Variants in EPS8L2 observed in about 807,000 individuals in gnomAD.
The protein encoded by EPS8L2 is EPS8 signaling adaptor L2, also known as epidermal growth factor receptor kinase substrate 8-like protein 2.
EPS8L2 carries 81 observed loss-of-function variants against 99.4 expected under a neutral mutation model. The observed-to-expected ratio is 0.82, with a 90% CI of 0.68 to 0.98. The LOEUF is 0.98. Among genes scored for constraint, EPS8L2 ranks in the 50% least tolerant of loss-of-function variants. The pLI, the probability that EPS8L2 is intolerant of heterozygous loss-of-function variation, is 0.00. For synonymous variants in EPS8L2, 509 were observed against 407.3 expected (o/e 1.25, Z -3.01); for missense variants, 1,155 against 968.8 (o/e 1.19, Z -2.55).
Position 720,715 on chromosome 11 carries a change from A to G in EPS8L2, c.446A>G (p.Asp149Gly), listed in dbSNP as rs1395692957. The change falls in exon 6 of 21, where the codon GAT (aspartate) becomes GGT (glycine). Residue 149 changes from aspartate to glycine, a missense_variant. Coordinates refer to ENST00000318562, the MANE Select transcript of EPS8L2 (RefSeq NM_022772.4). The stretch of plus-strand genomic sequence containing the variant: ...CAGGACTCGGAGCAGAGCAAGCCGG[A>G]TGTCCACTTCTTCCACTGCGATGAG... The part of the protein sequence containing the change: ...VCQDSEQSKP[D>G]VHFFHCDEVE... 2 of 1,478,872 alleles carry G rather than the reference A, an allele frequency of 1.4e-6. No homozygotes were observed. Among genetic ancestry groups the G allele is most frequent in the African/African-American group, 2.8e-5 (2 of 70,482 alleles). 91.6% of individuals were successfully genotyped at this position (1,478,872 alleles called of 1,614,324 possible). A position where few individuals can be genotyped will look rare whatever the true frequency, so the allele number is the denominator to read the frequency against.
Position 720,182 on chromosome 11 carries a change from G to A in EPS8L2, c.286G>A (p.Val96Met), listed in dbSNP as rs1195778950. 3.1e-6 allele frequency: 5 copies of A among 1,613,470 alleles called. No homozygotes were observed. Among genetic ancestry groups the A allele is most frequent in the Non-Finnish European group, 4.2e-6 (5 of 1,179,982 alleles). Residue 96 changes from valine to methionine, a missense_variant, in exon 5 of 21, where the codon GTG (valine) becomes ATG (methionine). Val to Met is a conservative substitution (Grantham distance 21). Coordinates refer to ENST00000318562, the MANE Select transcript of EPS8L2 (RefSeq NM_022772.4). The part of the protein sequence containing the change: ...KIWTQEMLLQ[V>M]NDQSLRLLDI... ...CTGGACCCAGGAGATGCTGCTGCAG[G>A]TGAACGACCAGTCGCTGCGGCTGCT...
chr11:710,448 A>G lies in EPS8L2; in HGVS notation c.127A>G (p.Asn43Asp). The change falls in exon 4 of 21, where the codon AAC becomes GAC. Residue 43 changes from asparagine (N) to aspartate (D), a missense_variant. By Grantham distance (23) the Asn-to-Asp change is conservative (BLOSUM62 1). Transcript: ENST00000318562. Reference sequence around the variant, plus strand: ...GCAGAGGAAGAAGTATTCCAACTCCAACGTCATCATGCACGAGACCTCGCA... The same window carrying G: ...GCAGAGGAAGAAGTATTCCAACTCCGACGTCATCATGCACGAGACCTCGCA... ...FEQRKKYSNS[N>D]VIMHETSQYH... The G allele has an allele frequency of 2.5e-6, 4 of 1,613,656 alleles. No individual in the cohort carries two copies. Among genetic ancestry groups the G allele is most frequent in the Non-Finnish European group, 3.4e-6 (4 of 1,179,944 alleles).
chr11:721,388 C>G, intron 9 of EPS8L2, 36 bp downstream of exon 9: 1 of 1,536,478 alleles, frequency 6.5e-7, no homozygotes, highest in Non-Finnish European at 8.8e-7. Context: ...CCCCTCTCTT[C>G]CCCGCCCCCA....
chr11:710,779 G>A (rs1358511354), intron 4 of EPS8L2, among the ~76,000 whole-genome samples: 2 of 152,192 alleles, frequency 1.3e-5, no homozygotes, highest in African/African-American at 4.8e-5. Flanking sequence ...AGGGAGGAAG[G>A]GAGGAAGGGA....
chr11:719,805 G>A (rs1005867396), intron 4 of EPS8L2, among the ~76,000 whole-genome samples: 13 of 152,194 alleles, frequency 8.5e-5, no homozygotes, highest in African/African-American at 3.1e-4. Context: ...GGAGGTGGGC[G>A]GGTGAGGATG....
chr11:721,648 C>A lies in EPS8L2; in HGVS notation c.852C>A (p.Asn284Lys). 1 of 1,584,530 alleles carries A rather than the reference C, an allele frequency of 6.3e-7. No homozygotes were observed. Among genetic ancestry groups the A allele is most frequent in the Non-Finnish European group, 8.6e-7 (1 of 1,168,442 alleles). ...QKAAEAFKQLNQRKKGKKKGK... is the reference protein window; with the variant it reads ...QKAAEAFKQLKQRKKGKKKGK... The stretch of plus-strand genomic sequence containing the variant: ...CAGCCGAGGCTTTCAAGCAGCTGAA[C>A]CAGCGGAAAAAGGGGAAGAAGAAGG... The change falls in exon 10 of 21, where the codon AAC becomes AAA. Residue 284 changes from asparagine to lysine, a missense_variant. Coordinates refer to ENST00000318562, the MANE Select transcript of EPS8L2 (RefSeq NM_022772.4).
At chr11:725,662 C>T in intron 16 of EPS8L2, 66 bp from the exon 17 acceptor site, 2 of 1,277,116 alleles carry the variant, frequency 1.6e-6, no homozygotes, top group Non-Finnish European at 9.9e-7. Flanking sequence ...TGTAAAGCGG[C>T]GCCAGCGGGT....
At chr11:720,455 G>A (rs549844759) in intron 5 of EPS8L2, 142 bp from the exon 6 acceptor site, 6 of 1,355,488 alleles carry the variant, frequency 4.4e-6, no homozygotes, top group African/African-American at 2.9e-5. Context: ...GGTGTGTCCC[G>A]GGCCTAGTCC....
Position 726,604 on chromosome 11 carries a change from A to G in EPS8L2, c.1935-15A>G, listed in dbSNP as rs547927516. 29 of 1,542,746 alleles carry G rather than the reference A, an allele frequency of 1.9e-5. No homozygotes were observed. In the South Asian group the frequency reaches 2.8e-4, roughly 15 times the overall value. On this transcript the variant is annotated splice_polypyrimidine_tract_variant and intron_variant, in intron 19 of 20. Coordinates refer to ENST00000318562, the MANE Select transcript of EPS8L2 (RefSeq NM_022772.4). ...GCTCACAGCGCGGCCCTGACGCCCA[A>G]CTGCCCGCCCCCAGGATCGTGGAGA... is the stretch of plus-strand genomic sequence containing the variant.
intron 4 of EPS8L2, among the ~76,000 whole-genome samples, chr11:719,503 G>A (rs1471452067): frequency 3.9e-5 from 6 of 152,234 alleles, no homozygotes; most frequent in African/African-American, 9.6e-5. Flanking sequence ...AGGGATGGAC[G>A]CATCCCGCAC....
At position 726,315 on chromosome 11, in the gene EPS8L2, C is replaced by T. The variant is rs904985382; in HGVS notation, c.1765C>T (p.His589Tyr). ...GCGCGCCCCCTCAGAGCTCATGCAG[C>T]ACATGGACGAGGTCAACGACGAGCT... is the stretch of plus-strand genomic sequence containing the variant. ...FPGNKDELMQ[H>Y]MDEVNDELIR... The change falls in exon 19 of 21, where the codon CAC becomes TAC. Residue 589 changes from histidine (H) to tyrosine (Y), a missense_variant. By Grantham distance (83) the His-to-Tyr change is moderately conservative. Coordinates refer to ENST00000318562, the MANE Select transcript of EPS8L2 (RefSeq NM_022772.4). 13 of 1,609,028 alleles carry T rather than the reference C, an allele frequency of 8.1e-6. No homozygotes were observed. The highest frequency in any genetic ancestry group is 1.1e-5 in the Non-Finnish European group (13 of 1,178,480).
At chr11:712,270 G>A (rs1179693178) in intron 4 of EPS8L2, among the ~76,000 whole-genome samples, 2 of 151,810 alleles carry the variant, frequency 1.3e-5, no homozygotes, top group Non-Finnish European at 2.9e-5. Flanking sequence ...TGGGGGACAG[G>A]GCGAGACTCC....
In EPS8L2 at chr11:720,921, G is replaced by A. The variant is rs1172065929; in HGVS notation, c.557+12G>A. On this transcript the variant is annotated intron_variant, in intron 7 of 20. Coordinates refer to ENST00000318562, the MANE Select transcript of EPS8L2 (RefSeq NM_022772.4). ...CCGCAGACCCTGAAGTAGGGCAGCG[G>A]GCGGAGCGGGGTCGCAGGGGGCGGG... 2 of 1,441,400 alleles carry A rather than the reference G, an allele frequency of 1.4e-6. No individual in the cohort carries two copies. The highest frequency in any genetic ancestry group is 5.0e-5 in the East Asian group (2 of 40,372). 89.3% of individuals were successfully genotyped at this position (1,441,400 alleles called of 1,614,324 possible). A position where few individuals can be genotyped will look rare whatever the true frequency, so the allele number is the denominator to read the frequency against.
chr11:727,281 C>T lies in EPS8L2; in HGVS notation c.*300C>T. 3.3e-6 allele frequency: 1 copy of T among 307,242 alleles called. No homozygotes were observed. Among genetic ancestry groups the T allele is most frequent in the Non-Finnish European group, 6.2e-6 (1 of 162,110 alleles). The allele number at this position is 307,242 out of a possible 1,614,324, so 19.0% of individuals were successfully genotyped here. ...GCTGGGGCCTCTTTCTCTGGCCTCC[C>T]CTGTGCACCTGGGGGGTCCTGGCCC... On this transcript the variant is annotated 3_prime_UTR_variant, in exon 21 of 21. Transcript: ENST00000318562.
At chr11:721,537 G>T (rs766994059) in intron 9 of EPS8L2, 28 bp from the exon 10 acceptor site, 4 of 1,529,860 alleles carry the variant, frequency 2.6e-6, no homozygotes, top group Middle Eastern at 1.8e-4. Context: ...AGTGTCAGGG[G>T]CTGACCCCTG....
Position 722,706 on chromosome 11 carries a change from C to T in EPS8L2, c.1242C>T (p.Leu414=). Residue 414 remains leucine, a synonymous_variant, in exon 14 of 21, where the codon CTC becomes CTT. Coordinates refer to ENST00000318562, the MANE Select transcript of EPS8L2 (RefSeq NM_022772.4). The part of the protein sequence containing the change: ...SEWPREPQVP[L]YVPKFHSGWE... Reference sequence around the variant, plus strand: ...GGCCGCGGGAGCCACAGGTGCCCCTCTACGTGCCCAAGTTCCACAGCGGCT... The same window carrying T: ...GGCCGCGGGAGCCACAGGTGCCCCTTTACGTGCCCAAGTTCCACAGCGGCT... The T allele has an allele frequency of 6.2e-7, 1 of 1,609,192 alleles. No individual in the cohort carries two copies. The highest frequency in any genetic ancestry group is 2.2e-5 in the East Asian group (1 of 44,682).
At chr11:710,991 C>G (rs1423221492) in intron 4 of EPS8L2, among the ~76,000 whole-genome samples, 1 of 152,150 alleles carries the variant, frequency 6.6e-6, no homozygotes, top group African/African-American at 2.4e-5. Context: ...TGCTGCCCAG[C>G]CCTGGATGGG....
At chr11:713,434 T>C (rs946847707) in intron 4 of EPS8L2, among the ~76,000 whole-genome samples, 8 of 152,178 alleles carry the variant, frequency 5.3e-5, no homozygotes, top group African/African-American at 1.9e-4. Flanking sequence ...CAGGCTGGAG[T>C]GCAATGGCGC....
chr11:720,652 A>G lies in EPS8L2; in HGVS notation c.383A>G (p.Asn128Ser), dbSNP rs1421884673. Residue 128 changes from asparagine to serine, a missense_variant, in exon 6 of 21, where the codon AAC (asparagine) becomes AGC (serine). Physicochemically the swap from Asn to Ser is conservative, Grantham distance 46 (BLOSUM62 1). Coordinates refer to ENST00000318562, the MANE Select transcript of EPS8L2 (RefSeq NM_022772.4). Reference protein sequence around the residue: ...PTVQRSQTVLNQLRYPSVLLL... With the variant: ...PTVQRSQTVLSQLRYPSVLLL... ...GTGCAGCGCAGCCAGACGGTCCTCA[A>G]CCAGCTGCGCTACCCGTCTGTGCTG... The G allele has an allele frequency of 8.8e-6, 14 of 1,598,264 alleles. No individual in the cohort carries two copies. Among genetic ancestry groups the G allele is most frequent in the Middle Eastern group, 1.7e-4 (1 of 6,006 alleles).
Sources: gnomAD v4.1 joint callset for allele counts (sites outside exome capture counted in the v4.1 genomes callset) on GRCh38, gnomAD v4.1.1 for gene constraint, MANE v1.5 for transcripts, NCBI Gene and HGNC (gene_info 2026-07-23, HGNC 2026-07-21) for gene names.